DLG2: variants seen among roughly 807,000 people sequenced by gnomAD.
DLG2 encodes the protein disks large homolog 2.
Under a neutral mutation model 132.5 loss-of-function variants are expected in DLG2, and 45 were observed. The observed-to-expected ratio is 0.34, with a 90% CI of 0.27 to 0.44. The LOEUF (loss-of-function observed/expected upper bound fraction) is 0.44, where lower values mean the gene tolerates loss of function less well. DLG2 is among the 20% of genes least tolerant of loss of function. The pLI is 1.00. For synonymous variants in DLG2, 424 were observed against 419.6 expected (o/e 1.01, Z -0.13); for missense variants, 1,045 against 1,196.9 (o/e 0.87, Z 1.87).
chr11:84,232,355 A>G (rs975854675), intron 8 of DLG2, among the ~76,000 whole-genome samples: 5 of 152,184 alleles, frequency 3.3e-5, no homozygotes, highest in Admixed American at 6.5e-5. Flanking sequence ...GCTTACAGTA[A>G]ACCTAGGTAA....
chr11:84,659,308 G>T (rs7110290), intron 6 of DLG2, among the ~76,000 whole-genome samples: 1 of 151,688 alleles, frequency 6.6e-6, no homozygotes, highest in Non-Finnish European at 1.5e-5. Flanking sequence ...CTAAAGTGTG[G>T]GCTCTCTATT....
intron 6 of DLG2, among the ~76,000 whole-genome samples, chr11:84,863,339 T>G (rs2084045795): frequency 6.6e-6 from 1 of 152,136 alleles, no homozygotes. Context: ...GTTTGACAAT[T>G]TTCCTGGATA....
In DLG2 at chr11:83,897,242, G is replaced by A. The variant is rs577019511; in HGVS notation, c.1497-22754C>T. Among the ~76,000 whole-genome samples the A allele has an allele frequency of 9.9e-5, 15 of 152,180 alleles. 1 individual carries two copies. Among genetic ancestry groups the A allele is most frequent in the Non-Finnish European group, 1.8e-4 (12 of 68,034 alleles). On this transcript the variant is annotated intron_variant, in intron 15 of 27. Transcript: ENST00000376104. ...TTTTACTGTTAATTGGCTTTGGTTAGTTACTCCTATTTGGGCCATAGCTGA... is the reference window on the plus strand; with the variant it reads ...TTTTACTGTTAATTGGCTTTGGTTAATTACTCCTATTTGGGCCATAGCTGA...
chr11:84,613,977 T>C (rs1226920846), intron 6 of DLG2, among the ~76,000 whole-genome samples: 1 of 152,218 alleles, frequency 6.6e-6, no homozygotes, highest in Non-Finnish European at 1.5e-5. Context: ...GATCTTATGT[T>C]ATTTCTGTAA....
chr11:84,102,741 GA>G (rs148451271), intron 9 of DLG2, among the ~76,000 whole-genome samples: 1,529 of 152,258 alleles, frequency 0.01, 9 homozygotes, highest in Non-Finnish European at 0.015. Flanking sequence ...TGCCAACAGA[GA>G]AAAGGGGATG....
At chr11:84,663,948 A>T (rs2099697430) in intron 6 of DLG2, among the ~76,000 whole-genome samples, 3 of 152,196 alleles carry the variant, frequency 2.0e-5, no homozygotes, top group African/African-American at 4.8e-5. Flanking sequence ...GCAAGCCATG[A>T]CTAAAGGACA....
At chr11:84,993,824 G>C (rs1461337976) in intron 6 of DLG2, among the ~76,000 whole-genome samples, 2 of 152,112 alleles carry the variant, frequency 1.3e-5, no homozygotes, top group African/African-American at 4.8e-5. Flanking sequence ...AGCTTGGACT[G>C]TCAGCTGGAC....
At chr11:84,452,247 C>T (rs2099053692) in intron 7 of DLG2, among the ~76,000 whole-genome samples, 1 of 151,504 alleles carries the variant, frequency 6.6e-6, no homozygotes. Flanking sequence ...AACAGCATGG[C>T]TAAAACAGAA....
intron 18 of DLG2, among the ~76,000 whole-genome samples, chr11:83,659,823 A>G (rs141388835): frequency 4.6e-5 from 7 of 152,336 alleles, no homozygotes; most frequent in Admixed American, 1.3e-4. Context: ...TTGATCTTGT[A>G]CTAAATTGTA....
At chr11:84,779,492 T>TC (rs1312000432) in intron 6 of DLG2, among the ~76,000 whole-genome samples, 1 of 152,098 alleles carries the variant, frequency 6.6e-6, no homozygotes, top group Non-Finnish European at 1.5e-5. Context: ...AAATACAAGA[T>TC]CATATCATCA....
chr11:85,549,424 C>A (rs894364430), intron 3 of DLG2, among the ~76,000 whole-genome samples: 3 of 152,282 alleles, frequency 2.0e-5, no homozygotes, highest in Admixed American at 1.3e-4. Flanking sequence ...TGTTCCTATT[C>A]GGCCATCTTG....
chr11:83,527,593 TA>T (rs1466590902), intron 21 of DLG2, among the ~76,000 whole-genome samples: 1 of 152,126 alleles, frequency 6.6e-6, no homozygotes, highest in African/African-American at 2.4e-5. Flanking sequence ...TCTGGGTTTT[TA>T]TAATGGCTAC....
chr11:85,033,296 C>A (rs1593004340), intron 6 of DLG2, among the ~76,000 whole-genome samples: 1 of 151,124 alleles, frequency 6.6e-6, no homozygotes. Context: ...TAGAGAATAT[C>A]CCCTGGAAAT....
At chr11:84,220,348 T>C (rs778396567) in intron 8 of DLG2, among the ~76,000 whole-genome samples, 2 of 152,210 alleles carry the variant, frequency 1.3e-5, no homozygotes, top group African/African-American at 2.4e-5. Flanking sequence ...GTATCTATAA[T>C]ACTCACTGCT....
intron 6 of DLG2, chr11:84,763,459 T>G (rs1183847215): frequency 6.6e-6 from 1 of 152,168 alleles, no homozygotes; most frequent in Non-Finnish European, 1.5e-5. Flanking sequence ...CCTTCATCTC[T>G]CACCCTCATT....
chr11:85,352,923 A>G (rs1197112902), intron 3 of DLG2, among the ~76,000 whole-genome samples: 2 of 152,228 alleles, frequency 1.3e-5, no homozygotes, highest in African/African-American at 4.8e-5. Context: ...GGACATAGGC[A>G]TGTGCAAGGA....
intron 7 of DLG2, among the ~76,000 whole-genome samples, chr11:84,372,287 T>G (rs2098709689): frequency 6.6e-6 from 1 of 152,160 alleles, no homozygotes; most frequent in African/African-American, 2.4e-5. Flanking sequence ...TGCTTTTTAT[T>G]TCACAAAATA....
intron 6 of DLG2, among the ~76,000 whole-genome samples, chr11:84,763,699 A>T (rs1046694536): frequency 2.6e-5 from 4 of 152,198 alleles, no homozygotes; most frequent in Non-Finnish European, 4.4e-5. Context: ...GAGGATACAC[A>T]AACATTCAGA....
intron 5 of DLG2, among the ~76,000 whole-genome samples, chr11:85,138,059 A>C (rs1330781596): frequency 1.3e-5 from 2 of 152,094 alleles, no homozygotes; most frequent in African/African-American, 4.8e-5. Flanking sequence ...AAACAAGCAA[A>C]ATTTTGAGTG....
Sources: gnomAD v4.1 joint callset for allele counts (sites outside exome capture counted in the v4.1 genomes callset) on GRCh38, gnomAD v4.1.1 for gene constraint, MANE v1.5 for transcripts, NCBI Gene and HGNC (gene_info 2026-07-23, HGNC 2026-07-21) for gene names.